Variants in FARP2 observed in about 807,000 individuals in gnomAD.
The protein encoded by FARP2 is FERM, ARH/RhoGEF and pleckstrin domain protein 2.
In FARP2, 111 loss-of-function variants were observed where a neutral mutation model predicts 130.5. That is an observed-to-expected ratio of 0.85 (90% CI 0.73 to 1.00). FARP2 has a LOEUF of 1.00. Among genes scored for constraint, FARP2 ranks in the 50% least tolerant of loss-of-function variants. The pLI is 0.00. For synonymous variants in FARP2, 504 were observed against 516.9 expected (o/e 0.98, Z 0.34); for missense variants, 1,385 against 1,346.3 (o/e 1.03, Z -0.45).
chr2:241,414,833 G>A (rs1185420770), intron 7 of FARP2, among the ~76,000 whole-genome samples: 4 of 152,314 alleles, frequency 2.6e-5, no homozygotes, highest in South Asian at 2.1e-4. Context: ...GGACCTAGGC[G>A]GACAAAGCCA....
Position 241,457,237 on chromosome 2 carries a change from TCTTC to T in FARP2, c.1587+329_1587+332del, listed in dbSNP as rs916324623. Among the ~76,000 whole-genome samples, 718 of 152,264 alleles carry T rather than the reference TCTTC, an allele frequency of 4.7e-3. 4 individuals are homozygous for T. Among genetic ancestry groups the T allele is most frequent in the African/African-American group, 5.7e-3 (235 of 41,566 alleles). ...GGCTGGATCTTCCAGCCTCCCCCAC[TCTTC>T]CTTCCTTCCTTCCCACCTTCCTCAT... On this transcript the variant is annotated intron_variant, in intron 14 of 26. Transcript: ENST00000264042.
chr2:241,402,865 TATATATATATATA>T (rs1559735023), intron 2 of FARP2, among the ~76,000 whole-genome samples: 19 of 16,476 alleles, frequency 1.2e-3, no homozygotes, highest in Non-Finnish European at 1.5e-3. Flanking sequence ...TATATATATA[TATATATATATATA>T]TATTTTTTTT....
intron 2 of FARP2, among the ~76,000 whole-genome samples, chr2:241,397,989 C>T (rs1444329465): frequency 6.6e-6 from 1 of 151,666 alleles, no homozygotes; most frequent in Non-Finnish European, 1.5e-5. Flanking sequence ...GCCACCATGC[C>T]CGGCTAATTT....
At chr2:241,364,782 A>G (rs1275120251) in intron 1 of FARP2, among the ~76,000 whole-genome samples, 1 of 152,056 alleles carries the variant, frequency 6.6e-6, no homozygotes, top group Non-Finnish European at 1.5e-5. Context: ...AATACTTTTC[A>G]TTTTTTCTTG....
chr2:241,464,020 T>C (rs1241204462), intron 17 of FARP2, 40 bp downstream of exon 17: 4 of 1,545,448 alleles, frequency 2.6e-6, no homozygotes, highest in Admixed American at 3.4e-5. Context: ...GAATGCTGTT[T>C]ATGGGAGCAA....
At chr2:241,463,820 G>T in intron 16 of FARP2, 79 bp from the exon 17 acceptor site, 1 of 1,249,256 alleles carries the variant, frequency 8.0e-7, no homozygotes. Flanking sequence ...AACCAAGGCA[G>T]CTGTCACCCT....
At chr2:241,469,420 A>G (rs2064254564) in intron 18 of FARP2, among the ~76,000 whole-genome samples, 1 of 152,200 alleles carries the variant, frequency 6.6e-6, no homozygotes, top group East Asian at 1.9e-4. Context: ...GTCATTAAAA[A>G]TAGATGAAAA....
intron 2 of FARP2, among the ~76,000 whole-genome samples, chr2:241,399,906 GA>G (rs2062123621): frequency 6.6e-6 from 1 of 152,166 alleles, no homozygotes; most frequent in Non-Finnish European, 1.5e-5. Flanking sequence ...CACCATTCAT[GA>G]AAAGATCATC....
chr2:241,465,822 C>T (rs2064154996), intron 17 of FARP2: 2 of 1,544,118 alleles, frequency 1.3e-6, no homozygotes, highest in Non-Finnish European at 8.7e-7. Flanking sequence ...GAGACTCTGG[C>T]CACTCCTCAC....
At chr2:241,468,952 C>G (rs2064241939) in intron 18 of FARP2, among the ~76,000 whole-genome samples, 1 of 152,088 alleles carries the variant, frequency 6.6e-6, no homozygotes, top group African/African-American at 2.4e-5. Flanking sequence ...AAATTTAGTC[C>G]CCTTTTCTGA....
In FARP2 at chr2:241,491,127, C is replaced by T. The variant is rs745717393; in HGVS notation, c.2571C>T (p.Gly857=). 14 of 1,613,280 alleles carry T rather than the reference C, an allele frequency of 8.7e-6. No individual in the cohort carries two copies. The Admixed American group carries it at 1.2e-4, about 13-fold the overall frequency. The part of the protein sequence containing the change: ...LNSAIQAAKS[G]GDTAPALPGR... ...CCGCGATCCAAGCAGCCAAGAGTGG[C>T]GGTGACACGGCCCCTGCACTGCCAG... Residue 857 remains glycine, a synonymous_variant, in exon 23 of 27, where the codon GGC becomes GGT. Transcript: ENST00000264042.
At chr2:241,404,684 A>C (rs574877631) in intron 3 of FARP2, 115 bp from the exon 4 acceptor site, 11 of 756,820 alleles carry the variant, frequency 1.5e-5, no homozygotes, top group Non-Finnish European at 1.7e-5. Context: ...GGTAGAGTCA[A>C]AATTTTCCTG....
chr2:241,448,757 G>C (rs993931059), intron 13 of FARP2, among the ~76,000 whole-genome samples: 1 of 152,240 alleles, frequency 6.6e-6, no homozygotes, highest in Non-Finnish European at 1.5e-5. Flanking sequence ...GGAGCACTTC[G>C]TGTGTTGATA....
intron 17 of FARP2, 47 bp from the exon 18 acceptor site, chr2:241,468,093 A>C (rs377653277): frequency 4.8e-6 from 6 of 1,250,328 alleles, no homozygotes; most frequent in Middle Eastern, 1.9e-4. Flanking sequence ...CTCCCCCTGG[A>C]CTCCTACATC....
intron 2 of FARP2, among the ~76,000 whole-genome samples, chr2:241,374,364 C>T (rs906593796): frequency 6.6e-6 from 1 of 152,142 alleles, no homozygotes; most frequent in Non-Finnish European, 1.5e-5. Context: ...AATACATTCT[C>T]TTTTTTCTAA....
At chr2:241,380,516 A>G (rs1227599559) in intron 2 of FARP2, among the ~76,000 whole-genome samples, 1 of 152,148 alleles carries the variant, frequency 6.6e-6, no homozygotes, top group Non-Finnish European at 1.5e-5. Flanking sequence ...GAAGAGTTTC[A>G]GATTTTTTTC....
intron 13 of FARP2, among the ~76,000 whole-genome samples, chr2:241,454,913 A>G (rs1479254518): frequency 1.3e-5 from 2 of 152,204 alleles, no homozygotes; most frequent in Non-Finnish European, 2.9e-5. Flanking sequence ...TAGAATTCCT[A>G]GCAGCAGGCA....
chr2:241,492,713 C>A, intron 24 of FARP2: 1 of 525,272 alleles, frequency 1.9e-6, no homozygotes, highest in Non-Finnish European at 3.4e-6. Flanking sequence ...GGAAAGGGAA[C>A]TCACTTTACT....
At chr2:241,493,538 G>T (rs960007436) in intron 26 of FARP2, 94 bp downstream of exon 26, 2 of 1,177,750 alleles carry the variant, frequency 1.7e-6, no homozygotes, top group Non-Finnish European at 1.3e-6. Context: ...AGTTTTCTGG[G>T]CCCTGGAAAG....
Sources: allele counts gnomAD v4.1 joint callset (sites outside exome capture counted in the v4.1 genomes callset), GRCh38; gene constraint gnomAD v4.1.1; transcripts MANE v1.5; gene names NCBI Gene and HGNC (gene_info 2026-07-23, HGNC 2026-07-21).